TLN1: variants seen among roughly 807,000 people sequenced by gnomAD.
The protein encoded by TLN1 is talin-1.
In TLN1, 56 loss-of-function variants were observed where a neutral mutation model predicts 292.3. The ratio of observed to expected loss-of-function variants is 0.19; its 90% CI spans 0.15 to 0.24. TLN1 has a LOEUF of 0.24. TLN1 is among the 10% of genes least tolerant of loss of function. The probability of loss-of-function intolerance (pLI) is 1.00; values close to 1 mark genes in which losing one functional copy is unlikely to be tolerated. For synonymous variants in TLN1, 1,119 were observed against 1,253.7 expected, an observed-to-expected ratio of 0.89 and a Z score of 2.27; for missense variants, 2,433 against 3,248.2, an observed-to-expected ratio of 0.75 and a Z score of 6.10.
At position 35,704,502 on chromosome 9, in the gene TLN1, G is replaced by A. The variant is rs1431936822; in HGVS notation, c.5881-4C>T. On this transcript the variant is annotated splice_polypyrimidine_tract_variant and splice_region_variant and intron_variant, in intron 44 of 56. Coordinates refer to ENST00000314888, the MANE Select transcript of TLN1 (RefSeq NM_006289.4). The surrounding 1 kb of genome is among the most constrained non-coding windows in gnomAD (Gnocchi z 6.9). Reference sequence around the variant, plus strand: ...GCGCAGCCAGGACGTGGGAGACCTGGGTAGGGAATGTCACATGGTGACTGT... The same window carrying A: ...GCGCAGCCAGGACGTGGGAGACCTGAGTAGGGAATGTCACATGGTGACTGT... The A allele has an allele frequency of 3.4e-5, 55 of 1,603,828 alleles. No homozygotes were observed. Among genetic ancestry groups the A allele is most frequent in the Admixed American group, 2.7e-4 (16 of 59,378 alleles).
rs748895981 is a variant in TLN1, at chr9:35,717,246, T to C, written c.2358A>G (p.Lys786=). ...QALNELLQHV[K]AHATGAGPAG... ...CAGGCCCAGCCCCTGTGGCATGGGC[T>C]TTCACATGCTGCAGCAGCTCATTTA... Residue 786 remains lysine, a synonymous_variant, in exon 19 of 57, where the codon AAA becomes AAG. Coordinates refer to ENST00000314888, the MANE Select transcript of TLN1 (RefSeq NM_006289.4). The surrounding 1 kb of genome is among the most constrained non-coding windows in gnomAD (Gnocchi z 4.7). The C allele has an allele frequency of 2.8e-5, 46 of 1,614,214 alleles. No homozygotes were observed. In the Middle Eastern group the frequency reaches 3.6e-3, roughly 127 times the overall value.
Position 35,711,056 on chromosome 9 carries a change from A to C in TLN1, c.4046T>G (p.Leu1349Arg). The change falls in exon 31 of 57, where the codon CTC becomes CGC. Residue 1349 changes from leucine (L) to arginine (R), a missense_variant. Physicochemically the swap from Leu to Arg is moderately radical, Grantham distance 102. This residue lies in a region of TLN1 where 1,384 missense variants were observed against 1,699.6 expected (regional missense o/e 0.81). Transcript: ENST00000314888. ...TGCCTGCTGGGTGCACATAGTGATG[A>C]GCTGATTGATGCTGTCAGTTACTGC... ...ARAVTDSINQ[L>R]ITMCTQQAPG... 6.2e-7 allele frequency: 1 copy of C among 1,614,184 alleles called. No homozygotes were observed. The highest frequency in any genetic ancestry group is 8.5e-7 in the Non-Finnish European group (1 of 1,180,032).
At chr9:35,727,936 G>A (rs1361193542) in intron 1 of TLN1, among the ~76,000 whole-genome samples, 3 of 152,224 alleles carry the variant, frequency 2.0e-5, no homozygotes, top group Admixed American at 6.5e-5. Context: ...ACTGATCAGT[G>A]AATTGTGGGT....
Position 35,698,347 on chromosome 9 carries a change from G to A in TLN1, c.7347C>T (p.Asp2449=), listed in dbSNP as rs1825404181. Residue 2449 remains aspartate, a synonymous_variant, in exon 55 of 57, where the codon GAC becomes GAT. Transcript: ENST00000314888. The surrounding 1 kb of genome is among the most constrained non-coding windows in gnomAD (Gnocchi z 5.3). The part of the protein sequence containing the change: ...LVACKVKADQ[D]SEAMKRLQAA... Reference sequence around the variant, plus strand: ...CCTGAAGTCGTTTCATTGCCTCCGAGTCCTGGTCAGCCTTGACCTTGCAGG... The same window carrying A: ...CCTGAAGTCGTTTCATTGCCTCCGAATCCTGGTCAGCCTTGACCTTGCAGG... 1 of 1,614,050 alleles carries A rather than the reference G, an allele frequency of 6.2e-7. No individual in the cohort carries two copies. Among genetic ancestry groups the A allele is most frequent in the African/African-American group, 1.3e-5 (1 of 74,906 alleles).
In TLN1 at chr9:35,706,867, C is replaced by T. The variant is rs371282761; in HGVS notation, c.4989G>A (p.Thr1663=). Residue 1663 remains threonine (T), a synonymous_variant, in exon 38 of 57, where the codon ACG becomes ACA. Coordinates refer to ENST00000314888, the MANE Select transcript of TLN1 (RefSeq NM_006289.4). This position sits in a 1 kb window ranked among gnomAD's most constrained non-coding sequence, Gnocchi z 4.2. The part of the protein sequence containing the change: ...DKAPGQLECE[T]AIAALNSCLR... ...GACAACTGTTCAGAGCTGCAATGGC[C>T]GTTTCACACTCCAGCTGCCCTGGAG... 2.8e-5 allele frequency: 46 copies of T among 1,614,054 alleles called. No homozygotes were observed. In the African/African-American group the frequency reaches 4.0e-4, roughly 14 times the overall value.
intron 8 of TLN1, 129 bp from the exon 9 acceptor site, chr9:35,722,352 G>A: frequency 1.3e-6 from 1 of 784,838 alleles, no homozygotes; most frequent in East Asian, 2.6e-5. Context: ...CAAGATATGA[G>A]AACGAGAGGG....
chr9:35,698,716 T>C lies in TLN1; in HGVS notation c.7126-37A>G. 3.1e-6 allele frequency: 5 copies of C among 1,614,128 alleles called. No individual in the cohort carries two copies. Among genetic ancestry groups the C allele is most frequent in the African/African-American group, 2.7e-5 (2 of 75,038 alleles). On this transcript the variant is annotated intron_variant, in intron 53 of 56. Transcript: ENST00000314888. The surrounding 1 kb of genome is among the most constrained non-coding windows in gnomAD (Gnocchi z 5.3). ...AGAAGAGCCTACTTAGACCTGCATT[T>C]TCCTCACTTCAAAGACTCGCTGGCT...
Position 35,706,161 on chromosome 9 carries a change from G to C in TLN1, c.5361+35C>G, listed in dbSNP as rs749301880. 67 of 1,611,330 alleles carry C rather than the reference G, an allele frequency of 4.2e-5. No individual in the cohort carries two copies. Among genetic ancestry groups the C allele is most frequent in the Non-Finnish European group, 5.5e-5 (65 of 1,178,392 alleles). ...GTTGTTCCTGTTTCTCCAGCCTCCT[G>C]CTAGTAACAGCTCCTCCCTCCCAAC... On this transcript the variant is annotated intron_variant, in intron 40 of 56. Transcript: ENST00000314888. The surrounding 1 kb of genome is among the most constrained non-coding windows in gnomAD (Gnocchi z 4.2).
chr9:35,702,129 G>C (rs1006962366), intron 48 of TLN1, among the ~76,000 whole-genome samples: 9 of 152,148 alleles, frequency 5.9e-5, no homozygotes, highest in African/African-American at 2.2e-4. Flanking sequence ...ATGAAAGGAC[G>C]TGGCAACAGC....
At chr9:35,718,463 G>C (rs1202958381) in intron 17 of TLN1, among the ~76,000 whole-genome samples, 1 of 152,194 alleles carries the variant, frequency 6.6e-6, no homozygotes, top group Admixed American at 6.5e-5. Context: ...GGAGCGGGAA[G>C]GGGGAGAGCT....
rs1271130413 is a variant in TLN1 at position 35,722,797 on chromosome 9, G to C, written c.843+64C>G. 3.2e-6 allele frequency: 5 copies of C among 1,551,564 alleles called. No homozygotes were observed. In the Admixed American group the frequency reaches 8.4e-5, roughly 26 times the overall value. ...CGGGGAGGAGGCAGGGGGCCATTTAGTCAGTAAGATTAAGCAGCAAAGCTC... is the reference window on the plus strand; with the variant it reads ...CGGGGAGGAGGCAGGGGGCCATTTACTCAGTAAGATTAAGCAGCAAAGCTC... On this transcript the variant is annotated intron_variant, in intron 8 of 56. Coordinates refer to ENST00000314888, the MANE Select transcript of TLN1 (RefSeq NM_006289.4).
chr9:35,707,125 G>A lies in TLN1; in HGVS notation c.4902C>T (p.Ala1634=), dbSNP rs770695549. Reference sequence around the variant, plus strand: ...AGTCTGAGACAGTACGGGAGTGGCCGGCCAGCACCGACCAGCTCGGGGGGT... The same window carrying A: ...AGTCTGAGACAGTACGGGAGTGGCCAGCCAGCACCGACCAGCTCGGGGGGT... ...PRDPPSWSVL[A]GHSRTVSDSI... Residue 1634 remains alanine (A), a synonymous_variant, in exon 37 of 57, where the codon GCC becomes GCT. Transcript: ENST00000314888. The surrounding 1 kb of genome is among the most constrained non-coding windows in gnomAD (Gnocchi z 5.6). 2.9e-5 allele frequency: 46 copies of A among 1,612,222 alleles called. No individual in the cohort carries two copies. In the East Asian group the frequency reaches 4.5e-4, roughly 16 times the overall value.
In TLN1 at chr9:35,719,519, C is replaced by G; in HGVS notation, c.1687G>C (p.Gly563Arg). Reference sequence around the variant, plus strand: ...ACCCGGAAGCTAGCATCCGGCCTACCTGCTGTCAGGTTCACCACAGACGCA... The same window carrying G: ...ACCCGGAAGCTAGCATCCGGCCTACGTGCTGTCAGGTTCACCACAGACGCA... Reference protein sequence around the residue: ...GTASVVNLTAGDPAETDYTAV... With the variant: ...GTASVVNLTARDPAETDYTAV... Residue 563 changes from glycine to arginine, a missense_variant and splice_region_variant, in exon 15 of 57, where the codon GGG becomes CGG. Physicochemically the swap from Gly to Arg is moderately radical, Grantham distance 125. Transcript: ENST00000314888. This position sits in a 1 kb window ranked among gnomAD's most constrained non-coding sequence, Gnocchi z 4.6. The G allele has an allele frequency of 6.2e-7, 1 of 1,613,750 alleles. No homozygotes were observed. Among genetic ancestry groups the G allele is most frequent in the Non-Finnish European group, 8.5e-7 (1 of 1,179,760 alleles).
chr9:35,711,899 G>A (rs556675612), intron 28 of TLN1, 106 bp downstream of exon 28: 1 of 1,594,244 alleles, frequency 6.3e-7, no homozygotes, highest in East Asian at 2.2e-5. Flanking sequence ...AGTAATGAAA[G>A]GGGACAGATC....
In TLN1 at chr9:35,725,785, C is replaced by T. The variant is rs559879882; in HGVS notation, c.-33-58G>A. Reference sequence around the variant, plus strand: ...TCTTCTGGTGGGAGAAGAGGCCCCCCAGATGGTGGAGTCCAAGGGAAGAGT... The same window carrying T: ...TCTTCTGGTGGGAGAAGAGGCCCCCTAGATGGTGGAGTCCAAGGGAAGAGT... On this transcript the variant is annotated intron_variant, in intron 1 of 56. Transcript: ENST00000314888. The T allele has an allele frequency of 4.0e-6, 6 of 1,511,614 alleles. No individual in the cohort carries two copies. The Admixed American group carries it at 8.9e-5, about 22-fold the overall frequency. 93.6% of individuals were successfully genotyped at this position (1,511,614 alleles called of 1,614,324 possible).
rs879022300 is a variant in TLN1, at chr9:35,720,191, G to A, written c.1312C>T (p.Arg438Trp). 1.4e-5 allele frequency: 23 copies of A among 1,600,984 alleles called. No individual in the cohort carries two copies. Among genetic ancestry groups the A allele is most frequent in the South Asian group, 2.3e-5 (2 of 88,846 alleles). ...GAGCCATGCTCCACTTTCCCCACCC[G>A]GTTGTATTGCTGCTGCAGGACTGTT... ...KSTVLQQQYN[R>W]VGKVEHGSVA... is the part of the protein sequence containing the mutation. The change falls in exon 13 of 57, where the codon CGG (arginine) becomes TGG (tryptophan). Residue 438 changes from arginine to tryptophan, a missense_variant. Around this residue, in one of 7 missense-constraint regions of TLN1, gnomAD observed 617 missense variants for 770.6 expected, o/e 0.80. Coordinates refer to ENST00000314888, the MANE Select transcript of TLN1 (RefSeq NM_006289.4).
In TLN1 at chr9:35,699,265, C is replaced by T. The variant is rs1276665088; in HGVS notation, c.6874+91G>A. On this transcript the variant is annotated intron_variant, in intron 51 of 56. Transcript: ENST00000314888. This position sits in a 1 kb window ranked among gnomAD's most constrained non-coding sequence, Gnocchi z 4.0. ...CCCTGGCATCTGTGGGGACTATGGT[C>T]AGAGGCTAGCACAGAGCTGTCCAGC... The T allele has an allele frequency of 6.4e-7, 1 of 1,555,140 alleles. No individual in the cohort carries two copies. The highest frequency in any genetic ancestry group is 8.7e-7 in the Non-Finnish European group (1 of 1,148,736).
chr9:35,724,201 C>T lies in TLN1; in HGVS notation c.645G>A (p.Leu215=), dbSNP rs778319853. 5 of 1,614,182 alleles carry T rather than the reference C, an allele frequency of 3.1e-6. No individual in the cohort carries two copies. Among genetic ancestry groups the T allele is most frequent in the Non-Finnish European group, 4.2e-6 (5 of 1,180,024 alleles). ...DSRDPVQLNL[L]YVQARDDILN... ...CAAGTCCTCTGCATACCTGCACATA[C>T]AGGAGGTTCAGCTGTACAGGGTCCC... Residue 215 remains leucine, a synonymous_variant, in exon 6 of 57, where the codon CTG becomes CTA. Coordinates refer to ENST00000314888, the MANE Select transcript of TLN1 (RefSeq NM_006289.4). The surrounding 1 kb of genome is among the most constrained non-coding windows in gnomAD (Gnocchi z 4.7).
intron 11 of TLN1, 120 bp from the exon 12 acceptor site, chr9:35,720,629 CT>C (rs372029210): frequency 0.17 from 134,508 of 781,446 alleles, no homozygotes; most frequent in South Asian, 0.21. Flanking sequence ...ATTTCTTTTT[CT>C]TTTTTTTTTT....
Sources: allele counts gnomAD v4.1 joint callset (sites outside exome capture counted in the v4.1 genomes callset), GRCh38; gene constraint gnomAD v4.1.1; regional missense constraint gnomAD v4.1.1; non-coding constraint Gnocchi (gnomAD v3.1); transcripts MANE v1.5; gene names NCBI Gene and HGNC (gene_info 2026-07-23, HGNC 2026-07-21).